Variants in GALNT1 observed in about 807,000 individuals in gnomAD.
The protein encoded by GALNT1 is GalNAc transferase 1.
GALNT1 carries 17 observed loss-of-function variants against 65.7 expected under a neutral mutation model. The ratio of observed to expected loss-of-function variants is 0.26; its 90% CI spans 0.18 to 0.39. The LOEUF (loss-of-function observed/expected upper bound fraction) is 0.39. GALNT1 is among the 10% of genes least tolerant of loss of function. The pLI, the probability that GALNT1 is intolerant of heterozygous loss-of-function variation, is 1.00. For synonymous variants in GALNT1, 210 were observed against 219.7 expected (o/e 0.96, Z 0.39); for missense variants, 460 against 672.8 (o/e 0.68, Z 3.50).
intron 5 of GALNT1, among the ~76,000 whole-genome samples, chr18:35,684,539 T>C (rs370214769): frequency 2.0e-5 from 3 of 152,078 alleles, no homozygotes; most frequent in African/African-American, 4.8e-5. Flanking sequence ...ACACAACCCA[T>C]AGAGAGAAAG....
intron 1 of GALNT1, among the ~76,000 whole-genome samples, chr18:35,631,402 A>G (rs537051271): frequency 6.6e-6 from 1 of 152,246 alleles, no homozygotes; most frequent in Non-Finnish European, 1.5e-5. Flanking sequence ...CTGGTTCAAC[A>G]TACGCAAATC....
At chr18:35,685,229 C>T (rs7241667) in intron 5 of GALNT1, among the ~76,000 whole-genome samples, 2,365 of 152,226 alleles carry the variant, frequency 0.016, 65 homozygotes, top group African/African-American at 0.052. Context: ...CACACACACA[C>T]GTGCACGTAT....
At chr18:35,655,243 AGTT>A (rs954674908) in intron 2 of GALNT1, among the ~76,000 whole-genome samples, 6 of 152,016 alleles carry the variant, frequency 3.9e-5, no homozygotes, top group Middle Eastern at 3.4e-3. Flanking sequence ...GATCTGTAGA[AGTT>A]GTTGTTGTTG....
intron 9 of GALNT1, among the ~76,000 whole-genome samples, chr18:35,695,562 G>C (rs1413351559): frequency 6.6e-6 from 1 of 152,132 alleles, no homozygotes; most frequent in African/African-American, 2.4e-5. Context: ...GTGGAGAGTT[G>C]GTGAAGCCAT....
At chr18:35,645,552 T>C (rs1407618181) in intron 1 of GALNT1, among the ~76,000 whole-genome samples, 2 of 152,230 alleles carry the variant, frequency 1.3e-5, no homozygotes, top group African/African-American at 4.8e-5. Context: ...ATATTCTAAA[T>C]AGTTATAACT....
chr18:35,650,798 G>A (rs139534360), intron 1 of GALNT1, among the ~76,000 whole-genome samples: 189 of 152,094 alleles, frequency 1.2e-3, no homozygotes, highest in African/African-American at 4.3e-3. Context: ...TTTTCAAGGT[G>A]CCCAGATTTC....
intron 11 of GALNT1, among the ~76,000 whole-genome samples, chr18:35,707,603 A>G (rs2048284765): frequency 6.6e-6 from 1 of 152,264 alleles, no homozygotes; most frequent in Non-Finnish European, 1.5e-5. Context: ...CTCAGCACAG[A>G]GCAATAACCT....
At chr18:35,692,432 A>G (rs3737384) in intron 9 of GALNT1, 112 bp downstream of exon 9, 44,225 of 608,392 alleles carry the variant, frequency 0.073, 1,795 homozygotes, top group African/African-American at 0.12. Context: ...TCATGTTAAC[A>G]TTTAACTTCT....
chr18:35,688,707 T>C (rs1370944195), intron 6 of GALNT1, among the ~76,000 whole-genome samples: 1 of 152,230 alleles, frequency 6.6e-6, no homozygotes, highest in African/African-American at 2.4e-5. Context: ...TTTATACTAT[T>C]TGCCACCCTT....
At chr18:35,587,257 C>G (rs1011711395) in intron 1 of GALNT1, among the ~76,000 whole-genome samples, 1 of 152,092 alleles carries the variant, frequency 6.6e-6, no homozygotes, top group Non-Finnish European at 1.5e-5. Flanking sequence ...TCTGGAGATT[C>G]CTTGGGATTT....
Position 35,709,765 on chromosome 18 carries a change from T to C in GALNT1, c.1675T>C (p.Phe559Leu), listed in dbSNP as rs891889403. 3.1e-6 allele frequency: 5 copies of C among 1,614,026 alleles called. No individual in the cohort carries two copies. The highest frequency in any genetic ancestry group is 2.2e-5 in the East Asian group (1 of 44,872). ...LLRNVTLPEIF is the reference protein window; with the variant it reads ...LLRNVTLPEIL ...TCGAAACGTCACCCTGCCAGAAATA[T>C]TCTGAGACCAAATTTACAAAAAAAC... The change falls in exon 12 of 12, where the codon TTC becomes CTC. Residue 559 changes from phenylalanine to leucine, a missense_variant. Phe to Leu is a conservative substitution (Grantham distance 22). Coordinates refer to ENST00000269195, the MANE Select transcript of GALNT1 (RefSeq NM_020474.4).
Position 35,710,367 on chromosome 18 carries a change from T to G in GALNT1, c.*597T>G, listed in dbSNP as rs921583550. 1 of 152,630 alleles carries G rather than the reference T, an allele frequency of 6.6e-6. No individual in the cohort carries two copies. Among genetic ancestry groups the G allele is most frequent in the Non-Finnish European group, 1.5e-5 (1 of 68,028 alleles). The allele number at this position is 152,630 out of a possible 1,614,324, so 9.5% of individuals were successfully genotyped here. A position where few individuals can be genotyped will look rare whatever the true frequency, so the allele number is the denominator to read the frequency against. Reference sequence around the variant, plus strand: ...ATAGTATCAAATTTCTATATAGATTTTATACCTCAGTGGGGAAAAATAACT... The same window carrying G: ...ATAGTATCAAATTTCTATATAGATTGTATACCTCAGTGGGGAAAAATAACT... On this transcript the variant is annotated 3_prime_UTR_variant, in exon 12 of 12. Transcript: ENST00000269195.
At chr18:35,629,363 G>A (rs974130308) in intron 1 of GALNT1, among the ~76,000 whole-genome samples, 1 of 152,212 alleles carries the variant, frequency 6.6e-6, no homozygotes, top group Non-Finnish European at 1.5e-5. Flanking sequence ...ACTAACAGCT[G>A]ATCTCTCAGC....
chr18:35,701,216 C>T (rs947304472), intron 9 of GALNT1, among the ~76,000 whole-genome samples: 4 of 152,080 alleles, frequency 2.6e-5, no homozygotes, highest in African/African-American at 7.2e-5. Flanking sequence ...GGACTACAGG[C>T]GTGAGCCACC....
intron 1 of GALNT1, among the ~76,000 whole-genome samples, chr18:35,622,704 T>A (rs1009997488): frequency 1.3e-5 from 2 of 152,210 alleles, no homozygotes; most frequent in Non-Finnish European, 2.9e-5. Context: ...TCTTTCTGAT[T>A]CTAAATCTCT....
At chr18:35,688,911 A>C (rs1273298923) in intron 6 of GALNT1, among the ~76,000 whole-genome samples, 1 of 152,132 alleles carries the variant, frequency 6.6e-6, no homozygotes, top group South Asian at 2.1e-4. Context: ...TACTCTTAGG[A>C]CTGTGACAGA....
intron 1 of GALNT1, among the ~76,000 whole-genome samples, chr18:35,624,272 C>G (rs2046890198): frequency 6.6e-6 from 1 of 152,208 alleles, no homozygotes; most frequent in South Asian, 2.1e-4. Flanking sequence ...AGTTCCAAAT[C>G]TCATCCTTTG....
intron 1 of GALNT1, among the ~76,000 whole-genome samples, chr18:35,618,078 G>A (rs1270600077): frequency 6.7e-6 from 1 of 149,286 alleles, no homozygotes; most frequent in African/African-American, 2.5e-5. Context: ...CATGTATAGA[G>A]AGCACTACTG....
intron 1 of GALNT1, among the ~76,000 whole-genome samples, chr18:35,597,975 AGCTTTTCATCTAAC>A (rs1443824975): frequency 1.4e-5 from 2 of 141,266 alleles, no homozygotes; most frequent in Admixed American, 1.5e-4. Context: ...ATTGAGCAAT[AGCTTTTCATCTAAC>A]TCCCCTCCCC....
Sources: allele counts gnomAD v4.1 joint callset (sites outside exome capture counted in the v4.1 genomes callset), GRCh38; gene constraint gnomAD v4.1.1; transcripts MANE v1.5; gene names NCBI Gene and HGNC (gene_info 2026-07-23, HGNC 2026-07-21).